CHRM5: variants seen among roughly 807,000 people sequenced by gnomAD.
CHRM5 encodes the protein cholinergic receptor muscarinic 5.
In CHRM5, 18 loss-of-function variants were observed where a neutral mutation model predicts 39.0. The observed-to-expected ratio is 0.46, with a 90% CI of 0.32 to 0.68. The LOEUF (loss-of-function observed/expected upper bound fraction) is 0.68. Among genes scored for constraint, CHRM5 ranks in the 30% least tolerant of loss-of-function variants. The pLI is 0.04. For synonymous variants in CHRM5, 241 were observed against 246.3 expected (o/e 0.98, Z 0.20); for missense variants, 515 against 651.1 (o/e 0.79, Z 2.28).
chr15:34,052,545 G>A (rs1899965792), intron 2 of CHRM5, among the ~76,000 whole-genome samples: 1 of 152,200 alleles, frequency 6.6e-6, no homozygotes, highest in Non-Finnish European at 1.5e-5. Flanking sequence ...TAGGAAGACA[G>A]GATGTCAAAT....
intron 1 of CHRM5, among the ~76,000 whole-genome samples, chr15:34,023,921 G>A (rs1358491634): frequency 6.6e-6 from 1 of 152,140 alleles, no homozygotes; most frequent in Admixed American, 6.5e-5. Flanking sequence ...CAAAATAGAG[G>A]ACTCTATCCA....
At chr15:33,971,794 C>T (rs79729860) in intron 1 of CHRM5, among the ~76,000 whole-genome samples, 1,920 of 151,926 alleles carry the variant, frequency 0.013, 38 homozygotes, top group African/African-American at 0.044. Context: ...ATATTTGTTC[C>T]TTATTATGGT....
At chr15:33,992,439 G>C (rs956365777) in intron 1 of CHRM5, among the ~76,000 whole-genome samples, 2 of 152,056 alleles carry the variant, frequency 1.3e-5, no homozygotes, top group Non-Finnish European at 2.9e-5. Context: ...TCAATATTCA[G>C]CTACAAGGAA....
chr15:34,042,274 T>A (rs1053491320), intron 1 of CHRM5, among the ~76,000 whole-genome samples: 19 of 152,176 alleles, frequency 1.2e-4, no homozygotes, highest in Non-Finnish European at 2.2e-4. Flanking sequence ...AAAATTCAGT[T>A]TTCCCTTAGG....
intron 1 of CHRM5, among the ~76,000 whole-genome samples, chr15:33,993,840 GT>G (rs11340199): frequency 0.99 from 150,884 of 152,072 alleles, 74,863 homozygotes; most frequent in Non-Finnish European, 1. Context: ...AAAAAATAGG[GT>G]TTTTTTTTCC....
chr15:34,049,802 CA>C (rs1022088427), intron 2 of CHRM5, among the ~76,000 whole-genome samples: 4 of 150,950 alleles, frequency 2.6e-5, no homozygotes, highest in African/African-American at 9.7e-5. Context: ...AGTTCACCTA[CA>C]AAAGGAAGCC....
chr15:34,053,327 T>A (rs1237110748), intron 2 of CHRM5, among the ~76,000 whole-genome samples: 8 of 129,500 alleles, frequency 6.2e-5, no homozygotes, highest in African/African-American at 1.5e-4. Flanking sequence ...AAAATATATA[T>A]ATATATATAT....
chr15:34,020,095 A>G (rs551181603), intron 1 of CHRM5, among the ~76,000 whole-genome samples: 1 of 152,224 alleles, frequency 6.6e-6, no homozygotes, highest in East Asian at 1.9e-4. Context: ...GTGGATCACA[A>G]GGTCAGGAGA....
chr15:33,970,726 C>T (rs952504033), intron 1 of CHRM5, among the ~76,000 whole-genome samples: 2 of 151,802 alleles, frequency 1.3e-5, no homozygotes, highest in Admixed American at 6.6e-5. Context: ...AATTTGCTTC[C>T]AATAAATGGA....
intron 2 of CHRM5, among the ~76,000 whole-genome samples, chr15:34,057,885 G>A (rs1043571036): frequency 2.0e-5 from 3 of 152,232 alleles, no homozygotes; most frequent in African/African-American, 4.8e-5. Context: ...TGATTGTGAG[G>A]TGATGTTACC....
intron 1 of CHRM5, among the ~76,000 whole-genome samples, chr15:33,988,081 C>T (rs1204344935): frequency 6.6e-6 from 1 of 152,250 alleles, no homozygotes; most frequent in East Asian, 1.9e-4. Flanking sequence ...AGCTCCCAAG[C>T]CTTGGGGCTT....
At chr15:33,991,075 G>A (rs777531441) in intron 1 of CHRM5, 17 of 152,140 alleles carry the variant, frequency 1.1e-4, no homozygotes, top group African/African-American at 4.1e-4. Context: ...TGCAACTCCT[G>A]ATGACATAAT....
Position 34,062,984 on chromosome 15 carries a change from C to G in CHRM5, c.267C>G (p.Thr89=), listed in dbSNP as rs780619301. Residue 89 remains threonine, a synonymous_variant, in exon 3 of 3, where the codon ACC becomes ACG. Coordinates refer to ENST00000383263, the MANE Select transcript of CHRM5 (RefSeq NM_012125.4). The stretch of plus-strand genomic sequence containing the variant: ...TCTTCTCCATGAACCTCTACACCAC[C>G]TACATCCTCATGGGACGCTGGGCTC... ...IGIFSMNLYT[T]YILMGRWALG... 2.5e-6 allele frequency: 4 copies of G among 1,614,208 alleles called. No individual in the cohort carries two copies. The highest frequency in any genetic ancestry group is 1.1e-5 in the South Asian group (1 of 91,078).
intron 1 of CHRM5, among the ~76,000 whole-genome samples, chr15:33,986,395 C>G (rs972155411): frequency 6.6e-6 from 1 of 152,008 alleles, no homozygotes; most frequent in Non-Finnish European, 1.5e-5. Context: ...AGGCGTAAGC[C>G]ACCGCGCCCG....
In CHRM5 at chr15:33,981,171, T is replaced by C. The variant is rs1046256843; in HGVS notation, c.-408+12021T>C. ...CTGAATTAAGAAATCCAAAAGGTAA[T>C]GTGAAAAATATTAACAGCGATGCCT... On this transcript the variant is annotated intron_variant, in intron 1 of 2. Coordinates refer to ENST00000383263, the MANE Select transcript of CHRM5 (RefSeq NM_012125.4). Among the ~76,000 whole-genome samples, 3 of 152,324 alleles carry C rather than the reference T, an allele frequency of 2.0e-5. 1 individual carries two copies. Among genetic ancestry groups the C allele is most frequent in the South Asian group, 2.1e-4 (1 of 4,828 alleles).
chr15:34,022,870 G>T (rs145502317), intron 1 of CHRM5, among the ~76,000 whole-genome samples: 1 of 152,318 alleles, frequency 6.6e-6, no homozygotes, highest in Non-Finnish European at 1.5e-5. Flanking sequence ...CTGAAAGCTT[G>T]CCTTTGGCTC....
At chr15:34,021,537 G>A (rs930158832) in intron 1 of CHRM5, among the ~76,000 whole-genome samples, 1 of 152,088 alleles carries the variant, frequency 6.6e-6, no homozygotes, top group South Asian at 2.1e-4. Flanking sequence ...CACCGCGCCT[G>A]GCTTATTTTC....
At chr15:34,001,766 G>A (rs756395576) in intron 1 of CHRM5, among the ~76,000 whole-genome samples, 15 of 152,028 alleles carry the variant, frequency 9.9e-5, no homozygotes, top group Non-Finnish European at 2.1e-4. Context: ...TTTCCTGCTC[G>A]GAAAAGCACA....
At chr15:34,006,195 C>T (rs1897331532) in intron 1 of CHRM5, among the ~76,000 whole-genome samples, 1 of 152,024 alleles carries the variant, frequency 6.6e-6, no homozygotes, top group Non-Finnish European at 1.5e-5. Context: ...CCTGTAGTCC[C>T]AGCTACTCAG....
Sources: allele counts gnomAD v4.1 joint callset (sites outside exome capture counted in the v4.1 genomes callset), GRCh38; gene constraint gnomAD v4.1.1; transcripts MANE v1.5; gene names NCBI Gene and HGNC (gene_info 2026-07-23, HGNC 2026-07-21).